The following FLVCR1 variants were observed in gnomAD, a reference collection of about 807,000 sequenced individuals.
The protein encoded by FLVCR1 is FLVCR choline and heme transporter 1.
A neutral mutation model predicts 53.6 loss-of-function variants in FLVCR1; 34 were observed. That is an observed-to-expected ratio of 0.63 (90% CI 0.48 to 0.84). FLVCR1 has a LOEUF of 0.84. FLVCR1 is among the 40% of genes least tolerant of loss of function. The pLI is 0.00. For synonymous variants in FLVCR1, 300 were observed against 286.3 expected, an observed-to-expected ratio of 1.05 and a Z score of -0.48; for missense variants, 677 against 696.7, an observed-to-expected ratio of 0.97 and a Z score of 0.32.
At chr1:212,865,836 G>A (rs1664399537) in intron 2 of FLVCR1, among the ~76,000 whole-genome samples, 3 of 142,466 alleles carry the variant, frequency 2.1e-5, no homozygotes, top group South Asian at 4.6e-4. Flanking sequence ...TTTTTATCAA[G>A]ACGGAGTCTC....
intron 1 of FLVCR1, among the ~76,000 whole-genome samples, chr1:212,862,780 C>T (rs1664284127): frequency 6.6e-6 from 1 of 152,146 alleles, no homozygotes; most frequent in Non-Finnish European, 1.5e-5. Context: ...AGTGGCTGCA[C>T]CATTTTATAG....
rs1664091005 is a variant in FLVCR1 at position 212,858,476 on chromosome 1, G to T, written c.24G>T (p.Glu8Asp). ...ATATGGCGCGGCCAGACGATGAGGA[G>T]GGGGCGGCGGTGGCGCCCGGACACC... MARPDDE[E>D]GAAVAPGHPL... The change falls in exon 1 of 10, where the codon GAG becomes GAT. Residue 8 changes from glutamate (E) to aspartate (D), a missense_variant. By Grantham distance (45) the Glu-to-Asp change is conservative (BLOSUM62 2). Transcript: ENST00000366971. 1.4e-6 allele frequency: 2 copies of T among 1,442,026 alleles called. No individual in the cohort carries two copies. Among genetic ancestry groups the T allele is most frequent in the South Asian group, 1.5e-5 (1 of 68,286 alleles). 89.3% of individuals were successfully genotyped at this position (1,442,026 alleles called of 1,614,324 possible).
At chr1:212,885,685 G>A (rs1665044593) in intron 5 of FLVCR1, 1 of 276,616 alleles carries the variant, frequency 3.6e-6, no homozygotes, top group Non-Finnish European at 6.9e-6. Flanking sequence ...CGAGTAGCTG[G>A]GACTACAGGC....
chr1:212,891,607 T>C (rs1420550977), intron 8 of FLVCR1, among the ~76,000 whole-genome samples: 3 of 152,192 alleles, frequency 2.0e-5, no homozygotes, highest in Non-Finnish European at 4.4e-5. Context: ...ACATTGATGC[T>C]TTTACCATCT....
At chr1:212,861,677 T>C (rs1009693067) in intron 1 of FLVCR1, among the ~76,000 whole-genome samples, 1 of 152,076 alleles carries the variant, frequency 6.6e-6, no homozygotes, top group African/African-American at 2.4e-5. Flanking sequence ...ATTTATTTAT[T>C]TATTTATTTT....
rs568658930 is a variant in FLVCR1, at chr1:212,898,924, T to C, written c.*3634T>C. The C allele has an allele frequency of 6.6e-6, 1 of 152,364 alleles. No homozygotes were observed. Among genetic ancestry groups the C allele is most frequent in the East Asian group, 1.9e-4 (1 of 5,194 alleles). 9.4% of individuals were successfully genotyped at this position (152,364 alleles called of 1,614,324 possible). On this transcript the variant is annotated 3_prime_UTR_variant, in exon 10 of 10. Coordinates refer to ENST00000366971, the MANE Select transcript of FLVCR1 (RefSeq NM_014053.4). ...ATCTAAACATAGAACAGATAATACATTGTGCTACAATGTAACAATGGCTGT... is the reference window on the plus strand; with the variant it reads ...ATCTAAACATAGAACAGATAATACACTGTGCTACAATGTAACAATGGCTGT...
intron 8 of FLVCR1, 110 bp downstream of exon 8, chr1:212,889,367 A>G (rs964359509): frequency 4.1e-6 from 3 of 740,160 alleles, no homozygotes; most frequent in Middle Eastern, 2.4e-4. Flanking sequence ...TGAGATAAAA[A>G]GCAGGACATT....
rs1665312102 is a variant in FLVCR1 at position 212,895,552 on chromosome 1, A to G, written c.*262A>G. ...TATCCGGTTTTTAGTCTCATATTGT[A>G]TCTGAAAGTAAGCTTCTTGACGTTT... On this transcript the variant is annotated 3_prime_UTR_variant, in exon 10 of 10. Transcript: ENST00000366971. 1 of 464,920 alleles carries G rather than the reference A, an allele frequency of 2.2e-6. No individual in the cohort carries two copies. The highest frequency in any genetic ancestry group is 2.0e-5 in the African/African-American group (1 of 51,278). 28.8% of individuals were successfully genotyped at this position (464,920 alleles called of 1,614,324 possible).
chr1:212,884,091 T>C (rs1664995432), intron 4 of FLVCR1, among the ~76,000 whole-genome samples: 1 of 151,956 alleles, frequency 6.6e-6, no homozygotes, highest in Non-Finnish European at 1.5e-5. Flanking sequence ...GTGGATCACC[T>C]GAGGTCGAGA....
At chr1:212,872,918 G>A (rs774130546) in intron 3 of FLVCR1, 100 bp downstream of exon 3, 100 of 1,238,002 alleles carry the variant, frequency 8.1e-5, no homozygotes, top group Non-Finnish European at 1.1e-4. Context: ...AATGAGATTG[G>A]CCTGTTAACT....
At chr1:212,861,072 T>C (rs1259941424) in intron 1 of FLVCR1, among the ~76,000 whole-genome samples, 1 of 152,194 alleles carries the variant, frequency 6.6e-6, no homozygotes, top group Non-Finnish European at 1.5e-5. Context: ...CTGCAGTGGC[T>C]TCCATTGTCC....
At chr1:212,868,593 G>C (rs1028246108) in intron 2 of FLVCR1, among the ~76,000 whole-genome samples, 1 of 151,854 alleles carries the variant, frequency 6.6e-6, no homozygotes, top group Non-Finnish European at 1.5e-5. Context: ...ATTTTTAGTA[G>C]AGGCAGGGTT....
At chr1:212,860,052 G>T (rs1285229502) in intron 1 of FLVCR1, among the ~76,000 whole-genome samples, 1 of 152,184 alleles carries the variant, frequency 6.6e-6, no homozygotes, top group Non-Finnish European at 1.5e-5. Flanking sequence ...GGAGGCTGAG[G>T]CAGGCGGATC....
intron 3 of FLVCR1, among the ~76,000 whole-genome samples, chr1:212,878,877 T>G (rs1293865424): frequency 6.6e-6 from 1 of 151,936 alleles, no homozygotes; most frequent in African/African-American, 2.4e-5. Context: ...TAGTCCCAGC[T>G]AGTTGTGGGG....
In FLVCR1 at chr1:212,858,828, A is replaced by ATCC; in HGVS notation, c.377_379dup (p.Ile126_Gln127insLeu). On this transcript the variant is annotated inframe_insertion, in exon 1 of 10. Coordinates refer to ENST00000366971, the MANE Select transcript of FLVCR1 (RefSeq NM_014053.4). ...CTCGCTGGTCAACGCCTTTCAGTGG[A>ATCC]TCCAGTACAGCATCATTAGCAACGT... The ATCC allele has an allele frequency of 6.2e-7, 1 of 1,614,128 alleles. No individual in the cohort carries two copies. Among genetic ancestry groups the ATCC allele is most frequent in the Non-Finnish European group, 8.5e-7 (1 of 1,180,022 alleles).
rs1665344668 is a variant in FLVCR1 at position 212,896,772 on chromosome 1, CTTTGGGAGGCTGAAGCGTGTG to C, written c.*1483_*1503del. 1 of 142,308 alleles carries C rather than the reference CTTTGGGAGGCTGAAGCGTGTG, an allele frequency of 7.0e-6. No homozygotes were observed. Among genetic ancestry groups the C allele is most frequent in the African/African-American group, 2.6e-5 (1 of 38,690 alleles). The allele number at this position is 142,308 out of a possible 1,614,324, so 8.8% of individuals were successfully genotyped here. ...GTGGCTCACGCCTGTAATCCCAGCA[CTTTGGGAGGCTGAAGCGTGTG>C]GATCACCTGAGGTCAGGAGTTCAAG... On this transcript the variant is annotated 3_prime_UTR_variant, in exon 10 of 10. Coordinates refer to ENST00000366971, the MANE Select transcript of FLVCR1 (RefSeq NM_014053.4).
intron 8 of FLVCR1, among the ~76,000 whole-genome samples, chr1:212,894,548 G>A (rs1467433625): frequency 6.6e-6 from 1 of 152,014 alleles, no homozygotes; most frequent in African/African-American, 2.4e-5. Context: ...CTCTCCTCTT[G>A]TCTGCTTGAC....
At chr1:212,865,551 C>T (rs1664389837) in intron 2 of FLVCR1, among the ~76,000 whole-genome samples, 2 of 134,336 alleles carry the variant, frequency 1.5e-5, no homozygotes, top group South Asian at 2.3e-4. Flanking sequence ...GGCATGATCT[C>T]AGCTCACTGA....
intron 1 of FLVCR1, among the ~76,000 whole-genome samples, chr1:212,859,523 G>A (rs1664153930): frequency 6.6e-6 from 1 of 152,090 alleles, no homozygotes; most frequent in South Asian, 2.1e-4. Context: ...TTCCAGACCA[G>A]CCTGGGCAAC....
Sources: allele counts gnomAD v4.1 joint callset (sites outside exome capture counted in the v4.1 genomes callset), GRCh38; gene constraint gnomAD v4.1.1; transcripts MANE v1.5; gene names NCBI Gene and HGNC (gene_info 2026-07-23, HGNC 2026-07-21).